RBM34: variants seen among roughly 807,000 people sequenced by gnomAD.
RBM34 encodes RNA-binding protein 34.
Under a neutral mutation model 44.6 loss-of-function variants are expected in RBM34, and 39 were observed. The observed-to-expected ratio is 0.87, with a 90% CI of 0.68 to 1.14. The LOEUF (loss-of-function observed/expected upper bound fraction) is 1.14. Among genes scored for constraint, RBM34 ranks in the 50% most tolerant of loss-of-function variants. The pLI is 0.00. For missense variants in RBM34, 572 were observed against 517.9 expected (o/e 1.10, Z -1.01); for synonymous variants, 194 against 184.0 (o/e 1.05, Z -0.44).
At chr1:235,160,350 G>T in intron 3 of RBM34, 161 bp downstream of exon 3, 1 of 916,092 alleles carries the variant, frequency 1.1e-6, no homozygotes, top group Non-Finnish European at 1.7e-6. Flanking sequence ...AGTACACGGG[G>T]TTTCTTAGCC....
intron 7 of RBM34, 50 bp downstream of exon 7, chr1:235,138,041 T>C (rs763134963): frequency 6.4e-7 from 1 of 1,559,092 alleles, no homozygotes; most frequent in Non-Finnish European, 8.8e-7. Context: ...AAAGTACTCA[T>C]ACATACTTAT....
chr1:235,133,764 T>A (rs558811057), intron 10 of RBM34, among the ~76,000 whole-genome samples: 6 of 152,242 alleles, frequency 3.9e-5, no homozygotes, highest in African/African-American at 7.2e-5. Flanking sequence ...ATGTGCCATT[T>A]TATATAAGGG....
In RBM34 at chr1:235,160,851, T is replaced by C. The variant is rs775010970; in HGVS notation, c.228+42A>G. ...GTAAGAAGATTGCTTTGTATGTAAGTGGTTCTAACGAGCTATTCGGGAAGA... is the reference window on the plus strand; with the variant it reads ...GTAAGAAGATTGCTTTGTATGTAAGCGGTTCTAACGAGCTATTCGGGAAGA... On this transcript the variant is annotated intron_variant, in intron 2 of 10. Coordinates refer to ENST00000408888, the MANE Select transcript of RBM34 (RefSeq NM_015014.4). 1.9e-5 allele frequency: 31 copies of C among 1,603,908 alleles called. 1 individual carries two copies. The South Asian group carries it at 3.3e-4, about 17-fold the overall frequency.
At chr1:235,133,235 G>A (rs1661287025) in intron 10 of RBM34, among the ~76,000 whole-genome samples, 2 of 152,208 alleles carry the variant, frequency 1.3e-5, no homozygotes, top group Admixed American at 6.5e-5. Flanking sequence ...TAGCTACTCA[G>A]GAAGCTGAGA....
rs757363199 is a variant in RBM34, at chr1:235,161,010, C to T, written c.111G>A (p.Gln37=). 6.2e-7 allele frequency: 1 copy of T among 1,614,062 alleles called. No individual in the cohort carries two copies. Among genetic ancestry groups the T allele is most frequent in the African/African-American group, 1.3e-5 (1 of 74,924 alleles). Residue 37 remains glutamine (Q), a synonymous_variant, in exon 2 of 11, where the codon CAG becomes CAA. Transcript: ENST00000408888. ...CGCCGCGAAATAAGCTACTGGCGAC[C>T]TGTCCAAGCCTGTAGTCTTCCGGCG... The part of the protein sequence containing the change: ...GSPPEDYRLG[Q]VASSLFRGEH...
intron 6 of RBM34, 80 bp from the exon 7 acceptor site, chr1:235,138,254 C>T (rs1228228146): frequency 3.4e-6 from 4 of 1,193,998 alleles, no homozygotes; most frequent in Non-Finnish European, 4.7e-6. Context: ...AGAAAAAAAT[C>T]TAGCTGTTTT....
At chr1:235,151,972 G>A (rs375625455) in intron 5 of RBM34, among the ~76,000 whole-genome samples, 5 of 152,186 alleles carry the variant, frequency 3.3e-5, no homozygotes, top group African/African-American at 1.2e-4. Flanking sequence ...GGCGAAGGGT[G>A]CAGTGAGCTG....
chr1:235,157,702 T>C (rs1008033755), intron 3 of RBM34, among the ~76,000 whole-genome samples: 1 of 152,082 alleles, frequency 6.6e-6, no homozygotes, highest in African/African-American at 2.4e-5. Flanking sequence ...GATACCACAG[T>C]AACACTAAGA....
chr1:235,156,800 TAAAG>T (rs1225008832), intron 3 of RBM34: 1 of 321,440 alleles, frequency 3.1e-6, no homozygotes, highest in African/African-American at 2.2e-5. Flanking sequence ...GATACAAAGA[TAAAG>T]AAACAATCAA....
At chr1:235,141,394 C>T (rs1346927304) in intron 6 of RBM34, among the ~76,000 whole-genome samples, 1 of 152,184 alleles carries the variant, frequency 6.6e-6, no homozygotes, top group Non-Finnish European at 1.5e-5. Flanking sequence ...TGTGTCGATA[C>T]TCTGTATCTA....
intron 10 of RBM34, among the ~76,000 whole-genome samples, chr1:235,132,254 T>C (rs1661236573): frequency 6.6e-6 from 1 of 152,180 alleles, no homozygotes. Context: ...TGGTTTTTTT[T>C]TTTCATTGTA....
At position 235,155,075 on chromosome 1, in the gene RBM34, TTTC is replaced by T. The variant is rs1558148558; in HGVS notation, c.400_402del (p.Glu134del). On this transcript the variant is annotated inframe_deletion, in exon 4 of 11. Transcript: ENST00000408888. ...CTTTTCTGCCCTTGTTTCTGGTGAATTTCTTCTTCTAAATCAGCACTCGCTAGA... is the reference window on the plus strand; with the variant it reads ...CTTTTCTGCCCTTGTTTCTGGTGAATTTCTTCTAAATCAGCACTCGCTAGA... 4 of 1,613,786 alleles carry T rather than the reference TTTC, an allele frequency of 2.5e-6. No homozygotes were observed. Among genetic ancestry groups the T allele is most frequent in the Admixed American group, 3.3e-5 (2 of 59,892 alleles).
chr1:235,151,595 G>A (rs995752996), intron 5 of RBM34, among the ~76,000 whole-genome samples: 2 of 152,160 alleles, frequency 1.3e-5, no homozygotes, highest in African/African-American at 4.8e-5. Flanking sequence ...CCAGCATCTA[G>A]TGGGTAAAGA....
intron 4 of RBM34, among the ~76,000 whole-genome samples, chr1:235,154,000 A>T (rs1662284157): frequency 6.6e-6 from 1 of 152,184 alleles, no homozygotes; most frequent in African/African-American, 2.4e-5. Flanking sequence ...TAATCCCAGC[A>T]CTTTGGGAGG....
At chr1:235,138,791 A>G (rs1446500420) in intron 6 of RBM34, among the ~76,000 whole-genome samples, 1 of 148,238 alleles carries the variant, frequency 6.7e-6, no homozygotes, top group African/African-American at 2.5e-5. Flanking sequence ...TTGACCTGAT[A>G]TGTCTTTTGA....
intron 5 of RBM34, among the ~76,000 whole-genome samples, chr1:235,148,676 G>A (rs916193600): frequency 6.6e-6 from 1 of 150,902 alleles, no homozygotes; most frequent in Admixed American, 6.6e-5. Flanking sequence ...TCGGCTCATT[G>A]CAAGCTCCAC....
chr1:235,137,739 TA>T, intron 8 of RBM34, 137 bp downstream of exon 8: 1 of 604,856 alleles, frequency 1.7e-6, no homozygotes, highest in Non-Finnish European at 2.8e-6. Flanking sequence ...ATCAACTCTG[TA>T]ACCACAGAGG....
chr1:235,134,847 C>A (rs1553272489), intron 10 of RBM34, among the ~76,000 whole-genome samples: 1 of 149,346 alleles, frequency 6.7e-6, no homozygotes. Flanking sequence ...CGGGTTCAAG[C>A]GATTGTCCTG....
In RBM34 at chr1:235,144,499, T is replaced by TAAAAA. The variant is rs67277220; in HGVS notation, c.701+3900_701+3904dup. On this transcript the variant is annotated intron_variant, in intron 6 of 10. Transcript: ENST00000408888. ...TTTACTGGAAGTAGCCTTAATAAAC[T>TAAAAA]AAAAAAAAAAAAAAAAGGTTTTAAA... Among the ~76,000 whole-genome samples the TAAAAA allele has an allele frequency of 1.4e-3, 186 of 132,204 alleles. 1 individual carries two copies. The highest frequency in any genetic ancestry group is 4.7e-3 in the African/African-American group (172 of 36,460). 86.7% of individuals were successfully genotyped at this position (132,204 alleles called of 152,430 possible).
Sources: allele counts gnomAD v4.1 joint callset (sites outside exome capture counted in the v4.1 genomes callset), GRCh38; gene constraint gnomAD v4.1.1; transcripts MANE v1.5; gene names NCBI Gene and HGNC (gene_info 2026-07-23, HGNC 2026-07-21).